PALLD: variants seen among roughly 807,000 people sequenced by gnomAD.
PALLD encodes palladin.
PALLD carries 61 observed loss-of-function variants against 123.5 expected under a neutral mutation model. The ratio of observed to expected loss-of-function variants is 0.49; its 90% CI spans 0.40 to 0.61. PALLD has a LOEUF of 0.61. Ranked by LOEUF, PALLD falls within the 20% of genes least tolerant of loss-of-function variation. PALLD has a pLI of 0.00. For missense variants in PALLD, 1,273 were observed against 1,377.0 expected, an observed-to-expected ratio of 0.92 and a Z score of 1.20; for synonymous variants, 465 against 496.4, an observed-to-expected ratio of 0.94 and a Z score of 0.84.
intron 2 of PALLD, among the ~76,000 whole-genome samples, chr4:168,569,226 G>A (rs1768723645): frequency 2.0e-5 from 3 of 152,110 alleles, no homozygotes; most frequent in Admixed American, 6.6e-5. Flanking sequence ...TGAACTGGCA[G>A]CCACTCCCCT....
intron 2 of PALLD, among the ~76,000 whole-genome samples, chr4:168,526,140 G>A (rs1332090910): frequency 6.6e-6 from 1 of 152,102 alleles, no homozygotes; most frequent in African/African-American, 2.4e-5. Flanking sequence ...TCCAACACAC[G>A]CCTCAAGAAC....
chr4:168,626,400 C>CAA (rs374572213), intron 2 of PALLD, among the ~76,000 whole-genome samples: 1,565 of 98,762 alleles, frequency 0.016, 32 homozygotes, highest in African/African-American at 0.057. Context: ...GACTCCATCT[C>CAA]AAAAAAAAAA....
chr4:168,752,860 A>C (rs1314849816), intron 10 of PALLD, among the ~76,000 whole-genome samples: 2 of 152,180 alleles, frequency 1.3e-5, no homozygotes, highest in Admixed American at 1.3e-4. Context: ...AAAATCTTTT[A>C]AAACTTATAG....
chr4:168,499,263 G>GGAGGGAGGAAGA, intron 1 of PALLD, among the ~76,000 whole-genome samples: 1 of 61,066 alleles, frequency 1.6e-5, no homozygotes, highest in Non-Finnish European at 3.4e-5. Flanking sequence ...AGGGAGGAAG[G>GGAGGGAGGAAGA]GAGGGAGGAT....
chr4:168,623,034 C>T (rs932871170), intron 2 of PALLD, among the ~76,000 whole-genome samples: 1 of 152,220 alleles, frequency 6.6e-6, no homozygotes, highest in Non-Finnish European at 1.5e-5. Context: ...TGAATTGACA[C>T]TCTGTCCTTT....
chr4:168,537,473 T>A (rs2149496867), intron 2 of PALLD, among the ~76,000 whole-genome samples: 1 of 152,366 alleles, frequency 6.6e-6, no homozygotes, highest in African/African-American at 2.4e-5. Context: ...GCAAATTGTT[T>A]AGCTGTGATG....
chr4:168,810,058 C>T (rs1740848563), intron 10 of PALLD, among the ~76,000 whole-genome samples: 1 of 148,974 alleles, frequency 6.7e-6, no homozygotes, highest in Non-Finnish European at 1.5e-5. Context: ...AGGGGGAGCA[C>T]TAGGAAGAGG....
At chr4:168,554,425 C>T (rs941694608) in intron 2 of PALLD, among the ~76,000 whole-genome samples, 3 of 152,116 alleles carry the variant, frequency 2.0e-5, no homozygotes, top group Admixed American at 1.3e-4. Flanking sequence ...CCATCTTTAA[C>T]GGGGAGAAAT....
chr4:168,801,445 A>G (rs1345683351), intron 10 of PALLD, among the ~76,000 whole-genome samples: 1 of 151,916 alleles, frequency 6.6e-6, no homozygotes, highest in Non-Finnish European at 1.5e-5. Context: ...CACCCAGCTA[A>G]TTTTTTGTAT....
At chr4:168,894,749 T>A in intron 12 of PALLD, 72 bp downstream of exon 12, 1 of 1,565,256 alleles carries the variant, frequency 6.4e-7, no homozygotes, top group South Asian at 1.2e-5. Flanking sequence ...TTATGGATAC[T>A]GTTCTTGGGA....
chr4:168,738,711 G>A (rs1453967773), intron 10 of PALLD, among the ~76,000 whole-genome samples: 3 of 150,530 alleles, frequency 2.0e-5, no homozygotes, highest in African/African-American at 4.9e-5. Context: ...GGTTACAGGC[G>A]TGAGCCACCG....
chr4:168,786,200 T>C (rs761115168), intron 10 of PALLD, among the ~76,000 whole-genome samples: 3 of 151,614 alleles, frequency 2.0e-5, no homozygotes, highest in African/African-American at 4.8e-5. Context: ...TGGTGGTGTG[T>C]GCCTGTAGTC....
chr4:168,712,073 A>G (rs930363569), intron 10 of PALLD, 150 bp downstream of exon 10: 7 of 676,640 alleles, frequency 1.0e-5, no homozygotes, highest in African/African-American at 9.0e-5. Context: ...TTTCAACAAT[A>G]TAAAAGACAC....
intron 10 of PALLD, among the ~76,000 whole-genome samples, chr4:168,741,864 G>A (rs138735316): frequency 1.3e-5 from 2 of 152,302 alleles, no homozygotes; most frequent in Non-Finnish European, 2.9e-5. Flanking sequence ...TTTTGGAGAG[G>A]TGGGAGAGCG....
intron 8 of PALLD, among the ~76,000 whole-genome samples, chr4:168,707,093 C>T (rs943676458): frequency 6.6e-6 from 1 of 152,132 alleles, no homozygotes; most frequent in Non-Finnish European, 1.5e-5. Context: ...CTTTTACCTA[C>T]AGTTAGTACT....
At chr4:168,886,448 C>G (rs1009405270) in intron 10 of PALLD, among the ~76,000 whole-genome samples, 8 of 152,106 alleles carry the variant, frequency 5.3e-5, no homozygotes, top group African/African-American at 1.7e-4. Context: ...TTGAGACCAG[C>G]CTGGGCAACA....
intron 10 of PALLD, among the ~76,000 whole-genome samples, chr4:168,791,634 T>A (rs1038278497): frequency 6.6e-6 from 1 of 152,114 alleles, no homozygotes; most frequent in South Asian, 2.1e-4. Context: ...ACGTAAGGAT[T>A]ATGGGGATTA....
At chr4:168,670,756 C>CAAAAAAAAA (rs1297875131) in intron 3 of PALLD, among the ~76,000 whole-genome samples, 2 of 70,306 alleles carry the variant, frequency 2.8e-5, no homozygotes, top group Non-Finnish European at 5.4e-5. Context: ...ACAAAAAAAA[C>CAAAAAAAAA]AAAAAAAACA....
chr4:168,923,930 C>G (rs113559030), intron 18 of PALLD, among the ~76,000 whole-genome samples: 1 of 17,428 alleles, frequency 5.7e-5, no homozygotes, highest in South Asian at 4.5e-3. Context: ...AACATAATCA[C>G]TAGTAGTGAA....
Sources: gnomAD v4.1 joint callset for allele counts (sites outside exome capture counted in the v4.1 genomes callset) on GRCh38, gnomAD v4.1.1 for gene constraint, MANE v1.5 for transcripts, NCBI Gene and HGNC (gene_info 2026-07-23, HGNC 2026-07-21) for gene names.